Variants in CCDC146 observed in about 807,000 individuals in gnomAD.
CCDC146 encodes the protein coiled-coil domain containing 146.
In CCDC146, 92 loss-of-function variants were observed where a neutral mutation model predicts 119.3. The ratio of observed to expected loss-of-function variants is 0.77; its 90% CI spans 0.65 to 0.92. The LOEUF (loss-of-function observed/expected upper bound fraction) is 0.92. Among genes scored for constraint, CCDC146 ranks in the 40% least tolerant of loss-of-function variants. The probability of loss-of-function intolerance (pLI) is 0.00; values close to 1 mark genes in which losing one functional copy is unlikely to be tolerated. For missense variants in CCDC146, 1,000 were observed against 1,103.0 expected (o/e 0.91, Z 1.32); for synonymous variants, 372 against 371.8 (o/e 1.00, Z -0.01).
intron 2 of CCDC146, among the ~76,000 whole-genome samples, chr7:77,217,450 T>C (rs1452208935): frequency 6.6e-6 from 1 of 151,862 alleles, no homozygotes; most frequent in Non-Finnish European, 1.5e-5. Context: ...AGCCATGACA[T>C]TATAAATATA....
At chr7:77,188,977 G>A (rs1791714717) in intron 2 of CCDC146, among the ~76,000 whole-genome samples, 1 of 152,046 alleles carries the variant, frequency 6.6e-6, no homozygotes, top group Non-Finnish European at 1.5e-5. Context: ...GGCTGTTTCT[G>A]TAAAAGTCTG....
chr7:77,161,732 A>G (rs1021595635), intron 1 of CCDC146, among the ~76,000 whole-genome samples: 2 of 151,940 alleles, frequency 1.3e-5, no homozygotes. Context: ...GCACATGTAT[A>G]CACATGTAAG....
At chr7:77,283,381 A>G (rs1793795464) in intron 15 of CCDC146, among the ~76,000 whole-genome samples, 1 of 152,214 alleles carries the variant, frequency 6.6e-6, no homozygotes, top group Non-Finnish European at 1.5e-5. Flanking sequence ...TACTTTCTTC[A>G]CATGTGTTAC....
At chr7:77,271,423 T>C (rs922730381) in intron 9 of CCDC146, among the ~76,000 whole-genome samples, 3 of 150,210 alleles carry the variant, frequency 2.0e-5, no homozygotes, top group African/African-American at 7.4e-5. Context: ...GCAGATGGCC[T>C]ATTGTGGGAC....
chr7:77,250,284 C>T (rs1396009151), intron 4 of CCDC146, among the ~76,000 whole-genome samples: 1 of 152,196 alleles, frequency 6.6e-6, no homozygotes, highest in African/African-American at 2.4e-5. Context: ...TAATGCTCTT[C>T]ATTTGTGTAG....
intron 1 of CCDC146, among the ~76,000 whole-genome samples, chr7:77,159,908 C>A (rs1283890092): frequency 6.6e-6 from 1 of 152,018 alleles, no homozygotes; most frequent in Admixed American, 6.6e-5. Flanking sequence ...TTAGGTCTAA[C>A]GTTTAAGTCT....
intron 2 of CCDC146, among the ~76,000 whole-genome samples, chr7:77,201,128 C>A (rs944883118): frequency 1.8e-4 from 27 of 152,086 alleles, no homozygotes; most frequent in Admixed American, 1.6e-3. Context: ...TGGCTTCCAA[C>A]CCTAGATCTA....
chr7:77,243,645 T>C (rs1792891068), intron 4 of CCDC146, among the ~76,000 whole-genome samples: 1 of 149,380 alleles, frequency 6.7e-6, no homozygotes, highest in Non-Finnish European at 1.5e-5. Context: ...TTCGATACAT[T>C]TTATTTTTAT....
At chr7:77,242,900 G>A (rs948094288) in intron 4 of CCDC146, among the ~76,000 whole-genome samples, 3 of 151,260 alleles carry the variant, frequency 2.0e-5, no homozygotes, top group African/African-American at 7.3e-5. Context: ...GTGGGGGTGG[G>A]GTGTGAATAA....
intron 1 of CCDC146, among the ~76,000 whole-genome samples, chr7:77,140,896 A>G (rs1790923022): frequency 6.6e-6 from 1 of 152,076 alleles, no homozygotes; most frequent in African/African-American, 2.4e-5. Context: ...TTGATTCATC[A>G]CCATCCCAGT....
chr7:77,178,791 G>A (rs1381413472), intron 2 of CCDC146, among the ~76,000 whole-genome samples: 1 of 152,212 alleles, frequency 6.6e-6, no homozygotes, highest in Admixed American at 6.5e-5. Flanking sequence ...TCCTTTGAGA[G>A]AAGGTTGGCT....
At chr7:77,144,910 T>TA (rs1790991957) in intron 1 of CCDC146, among the ~76,000 whole-genome samples, 1 of 151,740 alleles carries the variant, frequency 6.6e-6, no homozygotes. Context: ...CAGCCTTTGG[T>TA]ATCAGGATGA....
intron 2 of CCDC146, among the ~76,000 whole-genome samples, chr7:77,221,133 G>A (rs114866546): frequency 0.028 from 4,220 of 152,042 alleles, 168 homozygotes; most frequent in East Asian, 0.14. Context: ...AGCACCAAGG[G>A]GATAGTGCTA....
intron 2 of CCDC146, among the ~76,000 whole-genome samples, chr7:77,215,698 A>G (rs1792289531): frequency 6.6e-6 from 1 of 152,106 alleles, no homozygotes; most frequent in South Asian, 2.1e-4. Flanking sequence ...CTGATTTTCA[A>G]TGACATTATG....
intron 1 of CCDC146, among the ~76,000 whole-genome samples, chr7:77,127,735 G>A (rs943634155): frequency 2.0e-5 from 3 of 151,998 alleles, no homozygotes; most frequent in African/African-American, 4.8e-5. Context: ...AACCTTCAGC[G>A]TTTCCTTGCT....
intron 2 of CCDC146, among the ~76,000 whole-genome samples, chr7:77,235,313 G>C (rs536162977): frequency 6.6e-6 from 1 of 152,326 alleles, no homozygotes; most frequent in African/African-American, 2.4e-5. Context: ...GTAGGAGCAA[G>C]TACACGTGGT....
At chr7:77,288,728 C>T (rs1793891589) in intron 17 of CCDC146, among the ~76,000 whole-genome samples, 1 of 152,208 alleles carries the variant, frequency 6.6e-6, no homozygotes, top group Admixed American at 6.5e-5. Flanking sequence ...ACATTGTTTA[C>T]ACCATAGGAA....
chr7:77,205,085 T>C (rs17728946), intron 2 of CCDC146, among the ~76,000 whole-genome samples: 6,368 of 152,314 alleles, frequency 0.042, 177 homozygotes, highest in Non-Finnish European at 0.062. Flanking sequence ...CTTAAGCTTC[T>C]TCTTATAATC....
intron 14 of CCDC146, among the ~76,000 whole-genome samples, 175 bp downstream of exon 14, chr7:77,280,828 C>T (rs772012388): frequency 1.3e-5 from 2 of 152,134 alleles, no homozygotes; most frequent in Admixed American, 6.5e-5. Context: ...ACTGTCCTCA[C>T]GCTGGGCACA....
Sources: allele counts gnomAD v4.1 joint callset (sites outside exome capture counted in the v4.1 genomes callset), GRCh38; gene constraint gnomAD v4.1.1; transcripts MANE v1.5; gene names NCBI Gene and HGNC (gene_info 2026-07-23, HGNC 2026-07-21).